INSC: variants seen among roughly 807,000 people sequenced by gnomAD.
The protein encoded by INSC is INSC spindle orientation adaptor protein.
Under a neutral mutation model 58.6 loss-of-function variants are expected in INSC, and 67 were observed. The ratio of observed to expected loss-of-function variants is 1.14; its 90% CI spans 0.94 to 1.40. The LOEUF (loss-of-function observed/expected upper bound fraction) is 1.40, where lower values mean the gene tolerates loss of function less well. Among genes scored for constraint, INSC ranks in the 40% most tolerant of loss-of-function variants. INSC has a pLI of 0.00. For missense variants in INSC, 714 were observed against 692.0 expected (o/e 1.03, Z -0.36); for synonymous variants, 262 against 276.1 (o/e 0.95, Z 0.51).
intron 5 of INSC, among the ~76,000 whole-genome samples, chr11:15,183,134 G>A (rs1006736167): frequency 6.6e-6 from 1 of 152,060 alleles, no homozygotes; most frequent in African/African-American, 2.4e-5. Flanking sequence ...GATCACCTGA[G>A]GTTGGGAGCT....
At chr11:15,222,762 C>G (rs1280296992) in intron 8 of INSC, among the ~76,000 whole-genome samples, 1 of 152,198 alleles carries the variant, frequency 6.6e-6, no homozygotes, top group Non-Finnish European at 1.5e-5. Context: ...TGATTCTAGT[C>G]ATGGGGGCAG....
intron 2 of INSC, among the ~76,000 whole-genome samples, chr11:15,170,167 T>A (rs1176457827): frequency 6.6e-6 from 1 of 152,254 alleles, no homozygotes; most frequent in Non-Finnish European, 1.5e-5. Context: ...ATTATCATAT[T>A]GTTATTTTTT....
chr11:15,171,350 A>G (rs1359498951), intron 2 of INSC, among the ~76,000 whole-genome samples: 4 of 151,994 alleles, frequency 2.6e-5, no homozygotes, highest in Admixed American at 6.6e-5. Context: ...ACCCTCCAGT[A>G]TCTTCTCAGG....
intron 2 of INSC, among the ~76,000 whole-genome samples, chr11:15,150,712 G>C (rs1378504327): frequency 6.6e-6 from 1 of 152,200 alleles, no homozygotes; most frequent in South Asian, 2.1e-4. Flanking sequence ...ATGATTGACA[G>C]GAAGTGGTCT....
chr11:15,246,772 T>C lies in INSC; in HGVS notation c.*732T>C, dbSNP rs1852580191. ...TTTGTGTAACCTCCTGTTCACCTCC[T>C]GGTGAATAGAATCCTCAGATGAGGC... is the stretch of plus-strand genomic sequence containing the variant. On this transcript the variant is annotated 3_prime_UTR_variant, in exon 13 of 13. Coordinates refer to ENST00000379556, the MANE Select transcript of INSC (RefSeq NM_001042536.3). The C allele has an allele frequency of 6.6e-6, 1 of 152,236 alleles. No individual in the cohort carries two copies. The highest frequency in any genetic ancestry group is 6.5e-5 in the Admixed American group (1 of 15,282). 9.4% of individuals were successfully genotyped at this position (152,236 alleles called of 1,614,324 possible).
At chr11:15,133,179 G>A (rs920390401) in intron 1 of INSC, among the ~76,000 whole-genome samples, 1 of 152,034 alleles carries the variant, frequency 6.6e-6, no homozygotes, top group Non-Finnish European at 1.5e-5. Flanking sequence ...CTTAGCTTTA[G>A]TTCTCTCGTA....
intron 7 of INSC, among the ~76,000 whole-genome samples, chr11:15,202,166 C>A (rs532081369): frequency 1.5e-4 from 23 of 151,926 alleles, no homozygotes; most frequent in Admixed American, 1.3e-3. Context: ...GGAGATAGTG[C>A]CAGCTTTTTG....
At chr11:15,155,320 C>G (rs1467704548) in intron 2 of INSC, among the ~76,000 whole-genome samples, 1 of 152,200 alleles carries the variant, frequency 6.6e-6, no homozygotes, top group Admixed American at 6.5e-5. Flanking sequence ...AAAGACTAGC[C>G]TGGAAAACCT....
At chr11:15,174,112 A>C (rs1573543) in intron 2 of INSC, among the ~76,000 whole-genome samples, 80,314 of 149,812 alleles carry the variant, frequency 0.54, 22,161 homozygotes, top group East Asian at 0.94. Context: ...TTGGCTGACT[A>C]TTCCCATGCT....
At chr11:15,224,114 T>C (rs1482385474) in intron 8 of INSC, among the ~76,000 whole-genome samples, 1 of 152,214 alleles carries the variant, frequency 6.6e-6, no homozygotes, top group Non-Finnish European at 1.5e-5. Context: ...GAATCCTCAA[T>C]TTCTTTATTT....
At chr11:15,223,918 C>G (rs1851537833) in intron 8 of INSC, among the ~76,000 whole-genome samples, 1 of 152,228 alleles carries the variant, frequency 6.6e-6, no homozygotes, top group Admixed American at 6.5e-5. Flanking sequence ...AGGCATTACC[C>G]TCCTGATAGA....
At chr11:15,188,820 A>G (rs1343343612) in intron 5 of INSC, among the ~76,000 whole-genome samples, 1 of 152,248 alleles carries the variant, frequency 6.6e-6, no homozygotes, top group Non-Finnish European at 1.5e-5. Flanking sequence ...GGTAATTATC[A>G]TTTAGGTACA....
chr11:15,153,078 G>T (rs1234960169), intron 2 of INSC, among the ~76,000 whole-genome samples: 3 of 152,118 alleles, frequency 2.0e-5, no homozygotes, highest in African/African-American at 7.2e-5. Flanking sequence ...TATGGAGTGC[G>T]GGCCATCTGC....
intron 7 of INSC, among the ~76,000 whole-genome samples, chr11:15,216,196 A>G (rs2133918454): frequency 6.6e-6 from 1 of 152,266 alleles, no homozygotes; most frequent in Non-Finnish European, 1.5e-5. Context: ...AATGGTAAAA[A>G]GTGGTGAGCT....
chr11:15,240,296 G>A (rs1269615550), intron 11 of INSC, 151 bp from the exon 12 acceptor site: 2 of 659,126 alleles, frequency 3.0e-6, no homozygotes, highest in African/African-American at 3.6e-5. Flanking sequence ...GTTCACCACT[G>A]AGGGAGTAGT....
At chr11:15,196,365 C>G (rs894625342) in intron 6 of INSC, among the ~76,000 whole-genome samples, 1 of 152,190 alleles carries the variant, frequency 6.6e-6, no homozygotes, top group African/African-American at 2.4e-5. Flanking sequence ...TGGTTGAATA[C>G]CTTGAGCAGT....
At chr11:15,204,778 C>T (rs1274493491) in intron 7 of INSC, among the ~76,000 whole-genome samples, 1 of 152,216 alleles carries the variant, frequency 6.6e-6, no homozygotes, top group African/African-American at 2.4e-5. Flanking sequence ...ATTTACTGGC[C>T]TGGCCTTCTC....
intron 5 of INSC, chr11:15,188,399 A>C: frequency 1.0e-6 from 1 of 979,392 alleles, no homozygotes; most frequent in Non-Finnish European, 1.2e-6. Flanking sequence ...TGTCAAATTC[A>C]GAGGGGTCAG....
At chr11:15,220,917 A>T (rs1281531361) in intron 7 of INSC, among the ~76,000 whole-genome samples, 1 of 152,190 alleles carries the variant, frequency 6.6e-6, no homozygotes, top group Admixed American at 6.5e-5. Context: ...GGAGGACAAG[A>T]TGGGGAAGGA....
Sources: allele counts gnomAD v4.1 joint callset (sites outside exome capture counted in the v4.1 genomes callset), GRCh38; gene constraint gnomAD v4.1.1; transcripts MANE v1.5; gene names NCBI Gene and HGNC (gene_info 2026-07-23, HGNC 2026-07-21).